Variants in DDX31 observed in about 807,000 individuals in gnomAD.
DDX31 encodes ATP-dependent DNA helicase DDX31.
DDX31 carries 70 observed loss-of-function variants against 91.3 expected under a neutral mutation model. The observed-to-expected ratio is 0.77, with a 90% CI of 0.63 to 0.94. The LOEUF (loss-of-function observed/expected upper bound fraction) is 0.94, where lower values mean the gene tolerates loss of function less well. Among genes scored for constraint, DDX31 ranks in the 40% least tolerant of loss-of-function variants. DDX31 has a pLI of 0.00. For synonymous variants in DDX31, 362 were observed against 350.6 expected (o/e 1.03, Z -0.36); for missense variants, 902 against 925.0 (o/e 0.98, Z 0.32).
At chr9:132,622,018 C>T (rs2119406936) in intron 17 of DDX31, among the ~76,000 whole-genome samples, 1 of 148,710 alleles carries the variant, frequency 6.7e-6, no homozygotes, top group South Asian at 2.1e-4. Context: ...AAAAAATCAC[C>T]AAACCTTAAA....
At chr9:132,662,766 C>A (rs901513797) in intron 1 of DDX31, 71 bp from the exon 2 acceptor site, 1 of 1,587,620 alleles carries the variant, frequency 6.3e-7, no homozygotes, top group South Asian at 1.1e-5. Flanking sequence ...CGGAGTGAAG[C>A]CTGACTGCCC....
rs756067302 is a variant in DDX31, at chr9:132,647,022, G to A, written c.1004C>T (p.Pro335Leu). Residue 335 changes from proline (P) to leucine (L), a missense_variant, in exon 12 of 20, where the codon CCA becomes CTA. By Grantham distance (98) the Pro-to-Leu change is moderately conservative (BLOSUM62 -3). Transcript: ENST00000372159. ...CTTGTCCAGGACAGAAATACTGACT[G>A]GATCATGCAAACTGATATCAGCTAG... Reference protein sequence around the residue: ...TRLADISLHDPVSISVLDKSH... With the variant: ...TRLADISLHDLVSISVLDKSH... The A allele has an allele frequency of 4.3e-6, 7 of 1,613,994 alleles. No homozygotes were observed. The highest frequency in any genetic ancestry group is 3.3e-5 in the Admixed American group (2 of 60,002).
At chr9:132,606,425 T>C (rs1831028159) in intron 19 of DDX31, among the ~76,000 whole-genome samples, 1 of 152,218 alleles carries the variant, frequency 6.6e-6, no homozygotes, top group Admixed American at 6.5e-5. Context: ...TTGTTCCTGA[T>C]AAGAAAAGTT....
chr9:132,659,843 G>C, intron 4 of DDX31, 63 bp from the exon 5 acceptor site: 1 of 1,534,390 alleles, frequency 6.5e-7, no homozygotes, highest in South Asian at 1.2e-5. Flanking sequence ...CAGAGACGCA[G>C]GATACATAAA....
chr9:132,632,135 C>T, intron 14 of DDX31, 44 bp from the exon 15 acceptor site: 2 of 1,581,522 alleles, frequency 1.3e-6, no homozygotes, highest in South Asian at 2.3e-5. Flanking sequence ...AGTTTCTGAA[C>T]CTTTCTGGGG....
chr9:132,593,636 T>C lies in DDX31; in HGVS notation c.*1230A>G, dbSNP rs1028947852. 3.3e-5 allele frequency: 5 copies of C among 152,126 alleles called. No homozygotes were observed. The highest frequency in any genetic ancestry group is 1.3e-4 in the Admixed American group (2 of 15,276). The allele number at this position is 152,126 out of a possible 1,614,324, so 9.4% of individuals were successfully genotyped here. A position where few individuals can be genotyped will look rare whatever the true frequency, so the allele number is the denominator to read the frequency against. ...ACACTGGAGTCTCCGCCAGTGTGGG[T>C]GCCCACTGACATTCACCTGTGTCTA... On this transcript the variant is annotated 3_prime_UTR_variant, in exon 20 of 20. Coordinates refer to ENST00000372159, the MANE Select transcript of DDX31 (RefSeq NM_022779.9).
intron 18 of DDX31, among the ~76,000 whole-genome samples, chr9:132,613,333 A>G (rs1383946981): frequency 6.6e-6 from 1 of 152,264 alleles, no homozygotes; most frequent in Admixed American, 6.5e-5. Flanking sequence ...TAGTCCCTTG[A>G]GGACTGACAA....
At position 132,625,651 on chromosome 9, in the gene DDX31, TAAC is replaced by T; in HGVS notation, c.1713+10_1713+12del. On this transcript the variant is annotated intron_variant, in intron 17 of 19. Transcript: ENST00000372159. ...ATCTGTTGGCAGCGAGCACAATAAA[TAAC>T]AAAACTCACCTGGGCTCCCCATCGT... 6.2e-7 allele frequency: 1 copy of T among 1,611,002 alleles called. No homozygotes were observed. Among genetic ancestry groups the T allele is most frequent in the South Asian group, 1.1e-5 (1 of 90,924 alleles).
At chr9:132,651,793 G>C (rs1834202470) in intron 7 of DDX31, among the ~76,000 whole-genome samples, 1 of 152,148 alleles carries the variant, frequency 6.6e-6, no homozygotes, top group Non-Finnish European at 1.5e-5. Flanking sequence ...TCCTCGAGAA[G>C]TAGCAAGTTT....
At chr9:132,662,790 T>C in intron 1 of DDX31, 95 bp from the exon 2 acceptor site, 1 of 1,528,012 alleles carries the variant, frequency 6.5e-7, no homozygotes. Flanking sequence ...GAATTGCATC[T>C]CTCCCTGCAG....
intron 12 of DDX31, 121 bp downstream of exon 12, chr9:132,646,702 T>C (rs1329644830): frequency 1.1e-6 from 1 of 887,448 alleles, no homozygotes; most frequent in African/African-American, 1.7e-5. Flanking sequence ...GCATCCGGAA[T>C]GCAGACATAA....
intron 19 of DDX31, among the ~76,000 whole-genome samples, chr9:132,597,755 AG>A (rs1474469762): frequency 1.3e-5 from 2 of 152,054 alleles, no homozygotes; most frequent in African/African-American, 4.8e-5. Flanking sequence ...CCTACACAAC[AG>A]GCAGACACCC....
chr9:132,639,661 G>A (rs532388462), intron 14 of DDX31, among the ~76,000 whole-genome samples: 42 of 152,286 alleles, frequency 2.8e-4, no homozygotes, highest in Admixed American at 6.5e-4. Flanking sequence ...TTTCTTCCAC[G>A]CAGAGCTACT....
chr9:132,632,058 C>G lies in DDX31; in HGVS notation c.1474G>C (p.Val492Leu). The G allele has an allele frequency of 6.2e-7, 1 of 1,613,298 alleles. No individual in the cohort carries two copies. Among genetic ancestry groups the G allele is most frequent in the Non-Finnish European group, 8.5e-7 (1 of 1,179,532 alleles). ...VAARGLDLPQ[V>L]TWIVQYNAPS... is the part of the protein sequence containing the mutation. ...AAAATTACCTGAACAATCCACGTGA[C>G]TTGAGGGAGATCTAAGCCCCGAGCT... Residue 492 changes from valine to leucine, a missense_variant, in exon 15 of 20, where the codon GTC becomes CTC. Transcript: ENST00000372159.
intron 19 of DDX31, among the ~76,000 whole-genome samples, chr9:132,597,054 G>A (rs977341859): frequency 6.6e-6 from 1 of 152,118 alleles, no homozygotes; most frequent in Non-Finnish European, 1.5e-5. Context: ...CATGTGGATC[G>A]CAGTCACAGT....
chr9:132,610,088 C>G (rs1831241033), intron 19 of DDX31, among the ~76,000 whole-genome samples: 1 of 152,166 alleles, frequency 6.6e-6, no homozygotes, highest in Non-Finnish European at 1.5e-5. Context: ...TCAAAGTTAA[C>G]ATGCATGAGT....
At chr9:132,652,328 T>C in intron 7 of DDX31, 120 bp downstream of exon 7, 3 of 1,131,260 alleles carry the variant, frequency 2.7e-6, no homozygotes, top group Non-Finnish European at 2.6e-6. Context: ...TCCAGGCAAA[T>C]GGAACTGGTG....
rs200172474 is a variant in DDX31, at chr9:132,648,305, T to TAAA, written c.861-13_861-11dup. ...ACCCAAATCCAAGATTCTGTGATTG[T>TAAA]AAAAAAAAAAAGAAATTTTCAACTA... On this transcript the variant is annotated splice_polypyrimidine_tract_variant and intron_variant, in intron 10 of 19. Transcript: ENST00000372159. 12 of 1,240,482 alleles carry TAAA rather than the reference T, an allele frequency of 9.7e-6. No homozygotes were observed. The African/African-American group carries it at 1.2e-4, about 13-fold the overall frequency. 76.8% of individuals were successfully genotyped at this position (1,240,482 alleles called of 1,614,324 possible). A position where few individuals can be genotyped will look rare whatever the true frequency, so the allele number is the denominator to read the frequency against.
At chr9:132,643,118 CCTG>C (rs1564317725) in intron 13 of DDX31, among the ~76,000 whole-genome samples, 1 of 152,152 alleles carries the variant, frequency 6.6e-6, no homozygotes, top group Admixed American at 6.5e-5. Flanking sequence ...GCCACCTCGC[CCTG>C]CTGATTTTTT....
Sources: gnomAD v4.1 joint callset for allele counts (sites outside exome capture counted in the v4.1 genomes callset) on GRCh38, gnomAD v4.1.1 for gene constraint, MANE v1.5 for transcripts, NCBI Gene and HGNC (gene_info 2026-07-23, HGNC 2026-07-21) for gene names.